Variants in GALNT13 observed in about 807,000 individuals in gnomAD.
The protein encoded by GALNT13 is polypeptide N-acetylgalactosaminyltransferase 13, also known as UDP-GalNAc:polypeptide N-acetylgalactosaminyltransferase 13.
GALNT13 carries 28 observed loss-of-function variants against 64.2 expected under a neutral mutation model. The ratio of observed to expected loss-of-function variants is 0.44; its 90% confidence interval spans 0.32 to 0.60. The LOEUF is 0.60. Ranked by LOEUF, GALNT13 falls within the 20% of genes least tolerant of loss-of-function variation. The pLI is 0.05. For synonymous variants in GALNT13, 214 were observed against 224.6 expected (o/e 0.95, Z 0.42); for missense variants, 577 against 669.8 (o/e 0.86, Z 1.53).
intron 3 of GALNT13, among the ~76,000 whole-genome samples, chr2:154,019,159 A>AT (rs1488289014): frequency 3.9e-5 from 6 of 152,138 alleles, no homozygotes; most frequent in African/African-American, 9.6e-5. Context: ...TTCCACCCAT[A>AT]TTGTTTATTT....
chr2:153,737,037 C>T, the GALNT13 span, among the ~76,000 whole-genome samples: 1 of 152,222 alleles, frequency 6.6e-6, no homozygotes, highest in East Asian at 1.9e-4. Flanking sequence ...CTATGTTGTT[C>T]TATCATCGGG....
intron 3 of GALNT13, among the ~76,000 whole-genome samples, chr2:154,025,695 C>T (rs139456436): frequency 6.6e-6 from 1 of 152,132 alleles, no homozygotes; most frequent in Non-Finnish European, 1.5e-5. Flanking sequence ...TAATTACTCA[C>T]TCTGTACCAA....
intron 3 of GALNT13, among the ~76,000 whole-genome samples, chr2:154,053,650 A>G (rs1699760911): frequency 6.6e-6 from 1 of 152,224 alleles, no homozygotes; most frequent in Non-Finnish European, 1.5e-5. Flanking sequence ...TTTTAAAAAC[A>G]TCATTGGTTA....
At chr2:153,573,009 G>C in the GALNT13 span, among the ~76,000 whole-genome samples, 1 of 151,816 alleles carries the variant, frequency 6.6e-6, no homozygotes, top group African/African-American at 2.4e-5. Flanking sequence ...TTTTCTGTCT[G>C]AAAGATCTGT....
chr2:153,578,177 T>G, the GALNT13 span, among the ~76,000 whole-genome samples: 2 of 152,142 alleles, frequency 1.3e-5, no homozygotes, highest in Admixed American at 6.5e-5. Flanking sequence ...GTTCAGTGCT[T>G]TAGGGTAAAC....
At chr2:153,253,098 A>G in the GALNT13 span, among the ~76,000 whole-genome samples, 8 of 151,888 alleles carry the variant, frequency 5.3e-5, no homozygotes, top group Non-Finnish European at 1.2e-4. Context: ...CTTCCTACCC[A>G]TGAGCATGGG....
intron 3 of GALNT13, among the ~76,000 whole-genome samples, chr2:154,076,818 A>G (rs1309338198): frequency 1.3e-5 from 2 of 151,634 alleles, no homozygotes; most frequent in East Asian, 3.9e-4. Context: ...AGAAGTACCA[A>G]CCAAGGAAAC....
chr2:153,540,714 C>T, the GALNT13 span, among the ~76,000 whole-genome samples: 1 of 152,202 alleles, frequency 6.6e-6, no homozygotes, highest in African/African-American at 2.4e-5. Flanking sequence ...GGAATCAAAG[C>T]AGATTTTGAA....
intron 7 of GALNT13, among the ~76,000 whole-genome samples, chr2:154,251,148 A>G (rs1448715609): frequency 6.6e-6 from 1 of 152,122 alleles, no homozygotes; most frequent in East Asian, 1.9e-4. Context: ...AACTAGGGTA[A>G]TAGAGTGCTA....
chr2:153,530,827 G>A, the GALNT13 span, among the ~76,000 whole-genome samples: 43 of 152,144 alleles, frequency 2.8e-4, no homozygotes, highest in Admixed American at 2.7e-3. Flanking sequence ...GGGAAAACTG[G>A]ATACCCATAT....
intron 8 of GALNT13, among the ~76,000 whole-genome samples, chr2:154,288,762 CA>C (rs1253043878): frequency 6.6e-6 from 1 of 152,238 alleles, no homozygotes; most frequent in East Asian, 1.9e-4. Flanking sequence ...TGGTCTTGCG[CA>C]GCTCCACCAT....
At chr2:153,470,288 T>A in the GALNT13 span, among the ~76,000 whole-genome samples, 1 of 152,220 alleles carries the variant, frequency 6.6e-6, no homozygotes, top group South Asian at 2.1e-4. Context: ...TCACAGGAGC[T>A]ACAGAAGATT....
At position 154,222,375 on chromosome 2, in the gene GALNT13, A is replaced by G. The variant is rs16836234; in HGVS notation, c.312-19655A>G. Among the ~76,000 whole-genome samples the G allele has an allele frequency of 5.4e-3, 822 of 152,288 alleles. 8 individuals are homozygous for G. Among genetic ancestry groups the G allele is most frequent in the African/African-American group, 0.019 (783 of 41,574 alleles). On this transcript the variant is annotated intron_variant, in intron 4 of 12. Coordinates refer to ENST00000392825, the MANE Select transcript of GALNT13 (RefSeq NM_052917.4). ...ACTATTTTATTTTCATTGAAACTAT[A>G]TTCTGATCAGCCAATATCATGAAAG...
intron 8 of GALNT13, among the ~76,000 whole-genome samples, chr2:154,269,902 A>ATGTG (rs372845459): frequency 1.4e-5 from 1 of 72,958 alleles, no homozygotes; most frequent in Non-Finnish European, 3.3e-5. Context: ...ATTTATATAT[A>ATGTG]TGTGTATATA....
chr2:153,552,012 TC>T, the GALNT13 span, among the ~76,000 whole-genome samples: 1 of 151,960 alleles, frequency 6.6e-6, no homozygotes, highest in African/African-American at 2.4e-5. Flanking sequence ...AAGAAAAAAA[TC>T]TAGGAGAGCT....
intron 3 of GALNT13, among the ~76,000 whole-genome samples, chr2:154,090,142 A>G (rs984604891): frequency 2.6e-5 from 4 of 152,128 alleles, no homozygotes; most frequent in African/African-American, 7.2e-5. Flanking sequence ...TCTATGCATA[A>G]CAAGATAAAC....
chr2:153,310,726 C>A, the GALNT13 span, among the ~76,000 whole-genome samples: 1 of 152,272 alleles, frequency 6.6e-6, no homozygotes. Flanking sequence ...TATACTGACT[C>A]TCAGGTTTTC....
At chr2:153,884,972 A>G (rs1687069930) in intron 1 of GALNT13, among the ~76,000 whole-genome samples, 1 of 148,990 alleles carries the variant, frequency 6.7e-6, no homozygotes, top group Admixed American at 6.7e-5. Flanking sequence ...CCAGGAGGTA[A>G]AGGTTGCAGT....
At chr2:153,196,896 C>T in the GALNT13 span, among the ~76,000 whole-genome samples, 2 of 152,198 alleles carry the variant, frequency 1.3e-5, no homozygotes, top group African/African-American at 4.8e-5. Context: ...GCTGCCACTG[C>T]TCGTACCTCC....
Sources: gnomAD v4.1 joint callset for allele counts (sites outside exome capture counted in the v4.1 genomes callset) on GRCh38, gnomAD v4.1.1 for gene constraint, MANE v1.5 for transcripts, NCBI Gene and HGNC (gene_info 2026-07-23, HGNC 2026-07-21) for gene names.